FAM83A: variants seen among roughly 807,000 people sequenced by gnomAD.
FAM83A encodes the protein scaffolding CK1 anchoring protein A.
FAM83A carries 21 observed loss-of-function variants against 24.4 expected under a neutral mutation model. That is an observed-to-expected ratio of 0.86 (90% CI 0.61 to 1.24). The LOEUF (loss-of-function observed/expected upper bound fraction) is 1.24. Ranked by LOEUF, FAM83A falls within the 50% of genes most tolerant of loss-of-function variation. The pLI is 0.00. For missense variants in FAM83A, 617 were observed against 579.8 expected, an observed-to-expected ratio of 1.06 and a Z score of -0.66; for synonymous variants, 270 against 252.4, an observed-to-expected ratio of 1.07 and a Z score of -0.66.
At chr8:123,189,153 T>G (rs1024212096) in intron 1 of FAM83A, among the ~76,000 whole-genome samples, 1 of 152,244 alleles carries the variant, frequency 6.6e-6, no homozygotes, top group Non-Finnish European at 1.5e-5. Flanking sequence ...TAAGGCTAAA[T>G]GTGTGCAAGA....
At chr8:123,191,478 C>A (rs542803504) in intron 1 of FAM83A, among the ~76,000 whole-genome samples, 32 of 152,286 alleles carry the variant, frequency 2.1e-4, no homozygotes, top group African/African-American at 7.7e-4. Context: ...TGAGATGCTT[C>A]TTCTTGTTCT....
chr8:123,206,636 C>A (rs1185362125), intron 3 of FAM83A, among the ~76,000 whole-genome samples: 1 of 152,202 alleles, frequency 6.6e-6, no homozygotes, highest in Non-Finnish European at 1.5e-5. Context: ...GCAATCTGAG[C>A]ACCAGGAGGG....
intron 3 of FAM83A, chr8:123,202,757 T>A (rs1193059535): frequency 3.9e-5 from 6 of 152,558 alleles, no homozygotes; most frequent in East Asian, 1.9e-4. Context: ...GCATTTTTTT[T>A]AAATGACACG....
rs1824421973 is a variant in FAM83A, at chr8:123,203,276, T to C, written c.774-3881T>C. Among the ~76,000 whole-genome samples the C allele has an allele frequency of 5.9e-5, 9 of 151,398 alleles. No homozygotes were observed. In the South Asian group the frequency reaches 1.9e-3, roughly 32 times the overall value. On this transcript the variant is annotated intron_variant, in intron 3 of 3. Coordinates refer to ENST00000690554, the Ensembl canonical transcript of FAM83A. ...TTGCTTAATCTGACTATATTACAAT[T>C]AAGAATGTTGGTTCATTGAAAGACA...
intron 1 of FAM83A, among the ~76,000 whole-genome samples, chr8:123,189,283 C>T (rs1386065883): frequency 6.6e-6 from 1 of 152,254 alleles, no homozygotes; most frequent in Non-Finnish European, 1.5e-5. Context: ...CCCTGTCCAG[C>T]TATCCATCCA....
At position 123,194,027 on chromosome 8, in the gene FAM83A, A is replaced by G. The variant is rs1824060695; in HGVS notation, c.652A>G (p.Ile218Val). 7 of 1,614,014 alleles carry G rather than the reference A, an allele frequency of 4.3e-6. No homozygotes were observed. In the Admixed American group the frequency reaches 8.3e-5, roughly 19 times the overall value. ...ACCTTGACTTTCCCTCCAACAGAAC[A>G]TTTCCATCCGGAGTGTGGAAGGAGA... The change falls in exon 3 of 4, where the codon ATT becomes GTT. Residue 218 changes from isoleucine to valine, a missense_variant. By Grantham distance (29) the Ile-to-Val change is conservative. Coordinates refer to ENST00000690554, the Ensembl canonical transcript of FAM83A.
At position 123,183,356 on chromosome 8, in the gene FAM83A, T is replaced by C. The variant is rs753292202; in HGVS notation, c.480+20T>C. On this transcript the variant is annotated intron_variant, in intron 1 of 3. Coordinates refer to ENST00000690554, the Ensembl canonical transcript of FAM83A. ...AGCCAGGTACCGATGGCAAAGCCCCTGTCTCCGTGGCCAAGTAGCAGGGAG... is the reference window on the plus strand; with the variant it reads ...AGCCAGGTACCGATGGCAAAGCCCCCGTCTCCGTGGCCAAGTAGCAGGGAG... 9 of 1,596,786 alleles carry C rather than the reference T, an allele frequency of 5.6e-6. No individual in the cohort carries two copies. Among genetic ancestry groups the C allele is most frequent in the Non-Finnish European group, 7.7e-6 (9 of 1,169,732 alleles).
upstream of FAM83A, chr8:123,182,209 A>G (rs1823614391): frequency 6.9e-6 from 3 of 436,466 alleles, no homozygotes; most frequent in African/African-American, 2.0e-5. Context: ...GAGCTCCTTC[A>G]TAGGGCAGGG....
At chr8:123,183,657 C>CT (rs543769733) in intron 1 of FAM83A, among the ~76,000 whole-genome samples, 2 of 149,598 alleles carry the variant, frequency 1.3e-5, no homozygotes, top group African/African-American at 2.5e-5. Flanking sequence ...CTTTTTTTTT[C>CT]TTTTTTTTCT....
chr8:123,187,055 C>T (rs1357504996), intron 1 of FAM83A, among the ~76,000 whole-genome samples: 1 of 151,958 alleles, frequency 6.6e-6, no homozygotes, highest in African/African-American at 2.4e-5. Context: ...GAGGTGGTCT[C>T]GGAGTAGAGT....
At chr8:123,194,991 A>G (rs180963255) in intron 3 of FAM83A, among the ~76,000 whole-genome samples, 216 of 152,130 alleles carry the variant, frequency 1.4e-3, no homozygotes, top group African/African-American at 5.1e-3. Flanking sequence ...ACTTGACTTC[A>G]GAGCTTAAAA....
At chr8:123,205,665 G>A (rs2131106939) in intron 3 of FAM83A, among the ~76,000 whole-genome samples, 1 of 152,164 alleles carries the variant, frequency 6.6e-6, no homozygotes, top group African/African-American at 2.4e-5. Context: ...GCGCTGTCCC[G>A]GCTCGGCGAC....
intron 1 of FAM83A, among the ~76,000 whole-genome samples, chr8:123,186,545 C>T (rs1283012488): frequency 6.6e-6 from 1 of 152,090 alleles, no homozygotes; most frequent in Admixed American, 6.6e-5. Context: ...TTCCTTTATT[C>T]CAGGCTGGGC....
intron 3 of FAM83A, among the ~76,000 whole-genome samples, chr8:123,196,146 G>A (rs1824143638): frequency 6.6e-6 from 1 of 152,152 alleles, no homozygotes; most frequent in Non-Finnish European, 1.5e-5. Context: ...CTTGTAGCTG[G>A]GATTACAGGC....
Position 123,200,957 on chromosome 8 carries a change from C to CA in FAM83A, c.774-6188dup, listed in dbSNP as rs11322028. ...CAAGACTCTGTCTCAAACAAATAAA[C>CA]AAAAAAAAAAAATATATATATATAT... On this transcript the variant is annotated intron_variant, in intron 3 of 3. Transcript: ENST00000690554. Among the ~76,000 whole-genome samples the CA allele has an allele frequency of 3.5e-3, 449 of 127,304 alleles. 1 individual carries two copies. The highest frequency in any genetic ancestry group is 0.01 in the African/African-American group (323 of 30,876). The allele number at this position is 127,304 out of a possible 152,430, so 83.5% of individuals were successfully genotyped here.
chr8:123,184,709 C>T (rs2131059572), intron 1 of FAM83A, among the ~76,000 whole-genome samples: 1 of 152,356 alleles, frequency 6.6e-6, no homozygotes, highest in East Asian at 1.9e-4. Flanking sequence ...TGGGTGCCCA[C>T]ACCTCACTCC....
intron 2 of FAM83A, among the ~76,000 whole-genome samples, chr8:123,192,240 G>A (rs1824006578): frequency 6.6e-6 from 1 of 152,172 alleles, no homozygotes; most frequent in South Asian, 2.1e-4. Flanking sequence ...ACCTGGAGGA[G>A]ATTTCCATCG....
exon 4 of FAM83A, chr8:123,207,610 G>A: frequency 6.4e-7 from 1 of 1,554,908 alleles, no homozygotes; most frequent in Non-Finnish European, 8.6e-7. Flanking sequence ...CCACGCGGCT[G>A]CAGCTGGAGC....
In FAM83A at chr8:123,209,191, C is replaced by T. The variant is rs751806822; in HGVS notation, c.*1503C>T. The T allele has an allele frequency of 1.0e-4, 118 of 1,146,530 alleles. No individual in the cohort carries two copies. Among genetic ancestry groups the T allele is most frequent in the Non-Finnish European group, 1.2e-4 (111 of 936,892 alleles). The allele number at this position is 1,146,530 out of a possible 1,614,324, so 71.0% of individuals were successfully genotyped here. Reference sequence around the variant, plus strand: ...CCTCTCCTCCCTTGTCGGTTTTTGGCGGGGAAGCTCAGCCTTCGCTGTGGA... The same window carrying T: ...CCTCTCCTCCCTTGTCGGTTTTTGGTGGGGAAGCTCAGCCTTCGCTGTGGA... On this transcript the variant is annotated 3_prime_UTR_variant, in exon 4 of 4. Transcript: ENST00000690554. The surrounding 1 kb of genome is among the most constrained non-coding windows in gnomAD (Gnocchi z 4.7).
Sources: allele counts gnomAD v4.1 joint callset (sites outside exome capture counted in the v4.1 genomes callset), GRCh38; gene constraint gnomAD v4.1.1; non-coding constraint Gnocchi (gnomAD v3.1); transcripts MANE v1.5; gene names NCBI Gene and HGNC (gene_info 2026-07-23, HGNC 2026-07-21).